CCBE1: variants seen among roughly 807,000 people sequenced by gnomAD.
CCBE1 encodes collagen and calcium binding EGF domains 1, also known as collagen and calcium-binding EGF domain-containing protein 1.
Under a neutral mutation model 50.0 loss-of-function variants are expected in CCBE1, and 37 were observed. The observed-to-expected ratio is 0.74, with a 90% CI of 0.57 to 0.97. The LOEUF (loss-of-function observed/expected upper bound fraction) is 0.97, where lower values mean the gene tolerates loss of function less well. Ranked by LOEUF, CCBE1 falls within the 50% of genes least tolerant of loss-of-function variation. CCBE1 has a pLI of 0.00. For synonymous variants in CCBE1, 234 were observed against 203.7 expected (o/e 1.15, Z -1.27); for missense variants, 538 against 523.8 (o/e 1.03, Z -0.26).
chr18:59,615,936 T>TA (rs1450953388), intron 2 of CCBE1, among the ~76,000 whole-genome samples: 1 of 152,194 alleles, frequency 6.6e-6, no homozygotes, highest in Non-Finnish European at 1.5e-5. Context: ...TAGGTTACTT[T>TA]AAAAAATCCT....
chr18:59,559,469 T>A (rs2052703007), intron 2 of CCBE1, among the ~76,000 whole-genome samples: 1 of 152,184 alleles, frequency 6.6e-6, no homozygotes. Context: ...GTTAAGCAAG[T>A]AATGTCGGCA....
intron 2 of CCBE1, among the ~76,000 whole-genome samples, chr18:59,543,687 T>C (rs1442504245): frequency 6.6e-6 from 1 of 151,860 alleles, no homozygotes; most frequent in Non-Finnish European, 1.5e-5. Flanking sequence ...TACAGAAAAT[T>C]AGCCGGGTGT....
intron 6 of CCBE1, among the ~76,000 whole-genome samples, chr18:59,452,873 T>G (rs911187066): frequency 3.9e-5 from 6 of 152,232 alleles, no homozygotes; most frequent in African/African-American, 1.4e-4. Context: ...ATTGCCACAA[T>G]GCATTTGCAG....
intron 2 of CCBE1, among the ~76,000 whole-genome samples, chr18:59,613,893 G>A (rs145168459): frequency 5.1e-4 from 64 of 124,862 alleles, no homozygotes; most frequent in African/African-American, 2.2e-3. Flanking sequence ...TTTTGGCAGG[G>A]GGAGACAGTC....
chr18:59,547,289 A>G (rs998016872), intron 2 of CCBE1, among the ~76,000 whole-genome samples: 13 of 152,222 alleles, frequency 8.5e-5, no homozygotes, highest in African/African-American at 2.6e-4. Flanking sequence ...GGTGGAAAAA[A>G]TAAGACAGAG....
chr18:59,619,471 C>T (rs955925900), intron 2 of CCBE1, among the ~76,000 whole-genome samples: 1 of 152,186 alleles, frequency 6.6e-6, no homozygotes, highest in Non-Finnish European at 1.5e-5. Context: ...ATTTGCACAC[C>T]ACTGTGGCCA....
chr18:59,462,056 G>C (rs1317425400), intron 5 of CCBE1, among the ~76,000 whole-genome samples: 1 of 152,068 alleles, frequency 6.6e-6, no homozygotes, highest in Non-Finnish European at 1.5e-5. Flanking sequence ...CTTTTGCAAT[G>C]AGTTTTGAAT....
At chr18:59,478,351 C>A (rs1448758608) in intron 3 of CCBE1, among the ~76,000 whole-genome samples, 2 of 152,178 alleles carry the variant, frequency 1.3e-5, no homozygotes, top group Non-Finnish European at 2.9e-5. Flanking sequence ...TTCTGAAATA[C>A]TGCATTTGTA....
At chr18:59,502,184 A>C (rs1225083321) in intron 2 of CCBE1, among the ~76,000 whole-genome samples, 5 of 151,742 alleles carry the variant, frequency 3.3e-5, no homozygotes, top group Non-Finnish European at 5.9e-5. Flanking sequence ...CTTTTCTCCC[A>C]CCTTGCTGAG....
intron 2 of CCBE1, among the ~76,000 whole-genome samples, chr18:59,669,982 G>T: frequency 6.6e-6 from 1 of 152,182 alleles, no homozygotes; most frequent in East Asian, 1.9e-4. Flanking sequence ...TGGCTGCTAC[G>T]AAGTAACAGT....
chr18:59,530,232 G>A (rs1370883151), intron 2 of CCBE1, among the ~76,000 whole-genome samples: 1 of 152,134 alleles, frequency 6.6e-6, no homozygotes, highest in African/African-American at 2.4e-5. Flanking sequence ...CCCATGGGGA[G>A]AGGAAGTCTG....
intron 2 of CCBE1, among the ~76,000 whole-genome samples, chr18:59,650,625 G>C (rs532685719): frequency 6.6e-6 from 1 of 151,286 alleles, no homozygotes; most frequent in Middle Eastern, 3.2e-3. Context: ...TGATGCCCTG[G>C]GAAAGCTCAC....
intron 2 of CCBE1, among the ~76,000 whole-genome samples, chr18:59,637,404 C>T (rs745307248): frequency 1.3e-5 from 2 of 152,074 alleles, no homozygotes; most frequent in Non-Finnish European, 2.9e-5. Context: ...ATTTATCCAT[C>T]AATTACAAAG....
At chr18:59,452,674 C>G (rs994903946) in intron 6 of CCBE1, among the ~76,000 whole-genome samples, 1 of 152,150 alleles carries the variant, frequency 6.6e-6, no homozygotes, top group South Asian at 2.1e-4. Context: ...AGGTTTTAGG[C>G]CTGCCCTCTC....
intron 7 of CCBE1, among the ~76,000 whole-genome samples, chr18:59,441,079 TA>T (rs1910398737): frequency 6.6e-6 from 1 of 152,208 alleles, no homozygotes; most frequent in African/African-American, 2.4e-5. Context: ...AGTTATTCAT[TA>T]GGTTGACTTA....
chr18:59,608,759 C>T (rs2053533423), intron 2 of CCBE1, among the ~76,000 whole-genome samples: 1 of 152,184 alleles, frequency 6.6e-6, no homozygotes, highest in African/African-American at 2.4e-5. Flanking sequence ...TTCCCTTTAG[C>T]ACATGAAAGT....
intron 2 of CCBE1, among the ~76,000 whole-genome samples, chr18:59,512,785 A>G (rs916434937): frequency 1.3e-5 from 2 of 152,156 alleles, no homozygotes; most frequent in African/African-American, 2.4e-5. Flanking sequence ...TAGGGAACAA[A>G]TCCCGGGTAA....
chr18:59,592,507 C>A (rs921005197), intron 2 of CCBE1, among the ~76,000 whole-genome samples: 2 of 152,118 alleles, frequency 1.3e-5, no homozygotes, highest in African/African-American at 4.8e-5. Flanking sequence ...AAAAGAAGAT[C>A]CTTACAGATA....
intron 2 of CCBE1, among the ~76,000 whole-genome samples, chr18:59,528,076 C>T (rs1380108650): frequency 6.6e-6 from 1 of 152,142 alleles, no homozygotes; most frequent in Non-Finnish European, 1.5e-5. Context: ...GTATGTTTTC[C>T]AACTTGGCTC....
Sources: gnomAD v4.1 joint callset for allele counts (sites outside exome capture counted in the v4.1 genomes callset) on GRCh38, gnomAD v4.1.1 for gene constraint, MANE v1.5 for transcripts, NCBI Gene and HGNC (gene_info 2026-07-23, HGNC 2026-07-21) for gene names.